The following BCAS3 variants were observed in gnomAD, a reference collection of about 807,000 sequenced individuals.
BCAS3 encodes BCAS4/BCAS3 fusion.
In BCAS3, 53 loss-of-function variants were observed where a neutral mutation model predicts 116.1. The ratio of observed to expected loss-of-function variants is 0.46; its 90% confidence interval spans 0.37 to 0.57. The LOEUF is 0.57. Ranked by LOEUF, BCAS3 falls within the 20% of genes least tolerant of loss-of-function variation. BCAS3 has a pLI of 0.00. For missense variants in BCAS3, 917 were observed against 1,165.4 expected (o/e 0.79, Z 3.10); for synonymous variants, 391 against 408.2 (o/e 0.96, Z 0.51).
intron 6 of BCAS3, among the ~76,000 whole-genome samples, chr17:60,769,015 T>C (rs2044384571): frequency 1.3e-5 from 2 of 152,124 alleles, no homozygotes; most frequent in South Asian, 2.1e-4. Flanking sequence ...TTGATGGTGG[T>C]ACATAGTGGT....
chr17:61,024,646 G>GTT (rs11369553), intron 16 of BCAS3, among the ~76,000 whole-genome samples: 166 of 146,940 alleles, frequency 1.1e-3, no homozygotes, highest in African/African-American at 3.8e-3. Context: ...AAATCTCGAG[G>GTT]TTTTTTTTTT....
Position 61,214,410 on chromosome 17 carries a change from C to T in BCAS3, c.2425+129846C>T, listed in dbSNP as rs964364497. Among the ~76,000 whole-genome samples the T allele has an allele frequency of 6.8e-6, 1 of 147,650 alleles. No homozygotes were observed. Among genetic ancestry groups the T allele is most frequent in the Non-Finnish European group, 1.5e-5 (1 of 67,898 alleles). ...AAATAAATAAATATTTTAGGCTGGGCGCAGTGGCTCATGCCTGTAATCCCA... is the reference window on the plus strand; with the variant it reads ...AAATAAATAAATATTTTAGGCTGGGTGCAGTGGCTCATGCCTGTAATCCCA... On this transcript the variant is annotated intron_variant, in intron 22 of 23. Transcript: ENST00000407086. The surrounding 1 kb of genome is among the most constrained non-coding windows in gnomAD (Gnocchi z 4.4).
intron 14 of BCAS3, among the ~76,000 whole-genome samples, chr17:60,973,871 C>T (rs922102547): frequency 1.3e-5 from 2 of 151,988 alleles, no homozygotes; most frequent in Non-Finnish European, 1.5e-5. Flanking sequence ...GGATTATAGG[C>T]GTGAGCCACC....
chr17:60,874,864 GA>G, intron 9 of BCAS3, 126 bp downstream of exon 9: 1 of 556,938 alleles, frequency 1.8e-6, no homozygotes. Context: ...ATTTTCTTGT[GA>G]TTCTGTGGCT....
At chr17:60,810,456 A>G in intron 7 of BCAS3, 1 of 639,304 alleles carries the variant, frequency 1.6e-6, no homozygotes. Flanking sequence ...GCCTGGACAG[A>G]GCAAGGAGCG....
chr17:61,146,668 A>G (rs924187256), intron 22 of BCAS3, among the ~76,000 whole-genome samples: 3 of 152,176 alleles, frequency 2.0e-5, no homozygotes, highest in African/African-American at 7.2e-5. Flanking sequence ...TGGTCCACTG[A>G]TGATGTTCAT....
At chr17:61,270,112 ATTTTT>A (rs1202865412) in intron 22 of BCAS3, among the ~76,000 whole-genome samples, 1 of 68,814 alleles carries the variant, frequency 1.5e-5, no homozygotes, top group East Asian at 3.9e-4. Context: ...GCCTTCTGCC[ATTTTT>A]TTTTTTTTTT....
Position 61,105,481 on chromosome 17 carries a change from A to G in BCAS3, c.2425+20917A>G, listed in dbSNP as rs1251101215. ...CTCTTGTTGCCCAGGCTGCAGTGCA[A>G]TGGCGCGACCTTGGCTCAAAGCAAG... On this transcript the variant is annotated intron_variant, in intron 22 of 23. Coordinates refer to ENST00000407086, the MANE Select transcript of BCAS3 (RefSeq NM_017679.5). The surrounding 1 kb of genome is among the most constrained non-coding windows in gnomAD (Gnocchi z 4.3). Among the ~76,000 whole-genome samples, 7 of 152,140 alleles carry G rather than the reference A, an allele frequency of 4.6e-5. No individual in the cohort carries two copies. The highest frequency in any genetic ancestry group is 1.4e-4 in the African/African-American group (6 of 41,432).
At chr17:60,813,382 G>A (rs2049025856) in intron 7 of BCAS3, among the ~76,000 whole-genome samples, 1 of 151,854 alleles carries the variant, frequency 6.6e-6, no homozygotes, top group Non-Finnish European at 1.5e-5. Context: ...ACAGGTGTAT[G>A]CCACCTTGCC....
intron 22 of BCAS3, among the ~76,000 whole-genome samples, chr17:61,328,957 C>T (rs2055973428): frequency 7.1e-6 from 1 of 140,772 alleles, no homozygotes. Flanking sequence ...TGCAGTGGTG[C>T]AATCTCAGCT....
chr17:60,768,654 T>G (rs1410299564), intron 6 of BCAS3, among the ~76,000 whole-genome samples: 1 of 152,190 alleles, frequency 6.6e-6, no homozygotes, highest in Non-Finnish European at 1.5e-5. Flanking sequence ...CTGACTAATA[T>G]GGTAGCTTTG....
chr17:60,825,751 C>T (rs2050357223), intron 7 of BCAS3, among the ~76,000 whole-genome samples: 1 of 151,184 alleles, frequency 6.6e-6, no homozygotes, highest in Admixed American at 6.6e-5. Context: ...TCTGCAACCT[C>T]TTTTGTAAGG....
In BCAS3 at chr17:61,200,535, T is replaced by G. The variant is rs2080758901; in HGVS notation, c.2425+115971T>G. 6.6e-6 allele frequency among the ~76,000 whole-genome samples: 1 copy of G among 152,336 alleles called. No individual in the cohort carries two copies. Among genetic ancestry groups the G allele is most frequent in the Middle Eastern group, 3.4e-3 (1 of 294 alleles). ...AATCAATGACCGAGCTGGTGTGGAA[T>G]GTTAGCCTCCTGGATCCTGATCGTT... On this transcript the variant is annotated intron_variant, in intron 22 of 23. Transcript: ENST00000407086. This position sits in a 1 kb window ranked among gnomAD's most constrained non-coding sequence, Gnocchi z 5.1.
rs893736356 is a variant in BCAS3, at chr17:61,337,663, TTTA to T, written c.2426-30661_2426-30659del. On this transcript the variant is annotated intron_variant, in intron 22 of 23. Transcript: ENST00000407086. The surrounding 1 kb of genome is among the most constrained non-coding windows in gnomAD (Gnocchi z 4.8). ...TAAACTGAATGTTGGTGGGATTGTT[TTTA>T]TTGTTTTTTTTTCCTTTTTCTTTTT... Among the ~76,000 whole-genome samples the T allele has an allele frequency of 6.6e-6, 1 of 152,204 alleles. No individual in the cohort carries two copies. The highest frequency in any genetic ancestry group is 1.5e-5 in the Non-Finnish European group (1 of 68,036).
At chr17:61,218,933 A>T (rs193290141) in intron 22 of BCAS3, among the ~76,000 whole-genome samples, 1 of 152,316 alleles carries the variant, frequency 6.6e-6, no homozygotes, top group East Asian at 1.9e-4. Context: ...ATGGAATGAT[A>T]CCAGAATCTG....
At chr17:60,878,339 A>T (rs1320562184) in intron 9 of BCAS3, among the ~76,000 whole-genome samples, 1 of 152,042 alleles carries the variant, frequency 6.6e-6, no homozygotes, top group Admixed American at 6.6e-5. Flanking sequence ...GATGTTCTTA[A>T]TTTTAATATA....
intron 11 of BCAS3, among the ~76,000 whole-genome samples, 173 bp from the exon 12 acceptor site, chr17:60,910,359 A>G (rs2058428022): frequency 6.6e-6 from 1 of 152,222 alleles, no homozygotes; most frequent in Non-Finnish European, 1.5e-5. Context: ...CTGATATTCT[A>G]ATTAAAATTC....
At chr17:60,882,042 T>C (rs1447364467) in intron 9 of BCAS3, among the ~76,000 whole-genome samples, 1 of 148,500 alleles carries the variant, frequency 6.7e-6, no homozygotes, top group Non-Finnish European at 1.5e-5. Flanking sequence ...GATGAACTAG[T>C]TTACAGTCCC....
rs967119644 is a variant in BCAS3, at chr17:60,879,999, A to G, written c.661+5261A>G. Among the ~76,000 whole-genome samples the G allele has an allele frequency of 2.6e-5, 4 of 152,214 alleles. No homozygotes were observed. The East Asian group carries it at 7.7e-4, about 29-fold the overall frequency. On this transcript the variant is annotated intron_variant, in intron 9 of 23. Transcript: ENST00000407086. The stretch of plus-strand genomic sequence containing the variant: ...TCTCCATAAGATGGAAAAGGTTACT[A>G]TGATGTTTTTAGGGCATGTGCTGGT...
Sources: allele counts gnomAD v4.1 joint callset (sites outside exome capture counted in the v4.1 genomes callset), GRCh38; gene constraint gnomAD v4.1.1; non-coding constraint Gnocchi (gnomAD v3.1); transcripts MANE v1.5; gene names NCBI Gene and HGNC (gene_info 2026-07-23, HGNC 2026-07-21).